The following PSMD1 variants were observed in gnomAD, a reference collection of about 807,000 sequenced individuals.
The protein encoded by PSMD1 is proteasome 26S subunit, non-ATPase 1.
A neutral mutation model predicts 119.0 loss-of-function variants in PSMD1; 18 were observed. That is an observed-to-expected ratio of 0.15 (90% CI 0.10 to 0.22). PSMD1 has a LOEUF of 0.22. Ranked by LOEUF, PSMD1 falls within the 10% of genes least tolerant of loss-of-function variation. PSMD1 has a pLI of 1.00. For missense variants in PSMD1, 702 were observed against 1,158.5 expected, an observed-to-expected ratio of 0.61 and a Z score of 5.72; for synonymous variants, 374 against 396.6, an observed-to-expected ratio of 0.94 and a Z score of 0.68.
At chr2:231,072,817 A>T (rs548376881) in intron 7 of PSMD1, among the ~76,000 whole-genome samples, 7 of 152,208 alleles carry the variant, frequency 4.6e-5, no homozygotes, top group Non-Finnish European at 1.0e-4. Context: ...TAAATACACA[A>T]ATTTCTATAG....
intron 16 of PSMD1, chr2:231,108,274 C>T (rs1032779805): frequency 5.0e-6 from 2 of 400,188 alleles, no homozygotes; most frequent in Non-Finnish European, 4.5e-6. Flanking sequence ...TTATTTCATT[C>T]GAATACCTTA....
chr2:231,073,453 G>T (rs1183619680), intron 7 of PSMD1, among the ~76,000 whole-genome samples: 2 of 152,014 alleles, frequency 1.3e-5, no homozygotes, highest in African/African-American at 4.8e-5. Context: ...TTGCAGTCAG[G>T]TATTGTAAGA....
chr2:231,081,701 G>A (rs888263379), intron 12 of PSMD1, among the ~76,000 whole-genome samples: 1 of 152,206 alleles, frequency 6.6e-6, no homozygotes, highest in Non-Finnish European at 1.5e-5. Flanking sequence ...GGAATGTTGG[G>A]ATGCTGTCAC....
At chr2:231,164,674 C>A (rs372700183) in intron 21 of PSMD1, among the ~76,000 whole-genome samples, 53 of 152,110 alleles carry the variant, frequency 3.5e-4, no homozygotes, top group African/African-American at 1.3e-3. Flanking sequence ...CCCAGCTTTT[C>A]ACCTTTGTTT....
chr2:231,097,343 ATT>A (rs1160639774), intron 16 of PSMD1, among the ~76,000 whole-genome samples: 1 of 152,222 alleles, frequency 6.6e-6, no homozygotes, highest in African/African-American at 2.4e-5. Context: ...TAAAGGGGTC[ATT>A]TACCCTTGAG....
chr2:231,148,584 T>C (rs912487260), intron 18 of PSMD1, among the ~76,000 whole-genome samples: 15 of 152,340 alleles, frequency 9.8e-5, no homozygotes, highest in African/African-American at 3.4e-4. Flanking sequence ...CTAGTAGCCT[T>C]TGCCAGTAAT....
rs934590685 is a variant in PSMD1, at chr2:231,138,644, A to C, written c.1884-92A>C. The C allele has an allele frequency of 4.6e-6, 4 of 871,294 alleles. No individual in the cohort carries two copies. In the African/African-American group the frequency reaches 5.1e-5, roughly 11 times the overall value. 54.0% of individuals were successfully genotyped at this position (871,294 alleles called of 1,614,324 possible). On this transcript the variant is annotated intron_variant, in intron 16 of 24. Coordinates refer to ENST00000308696, the MANE Select transcript of PSMD1 (RefSeq NM_002807.4). The stretch of plus-strand genomic sequence containing the variant: ...GTTTTAAATGCTCATTGTTTCCTAT[A>C]ACTTTTTCAAAAACAACTTGGTTAA...
chr2:231,169,998 G>A (rs1696877771), intron 23 of PSMD1, among the ~76,000 whole-genome samples: 1 of 152,132 alleles, frequency 6.6e-6, no homozygotes, highest in African/African-American at 2.4e-5. Flanking sequence ...GAAATTGCTG[G>A]AGAAAAAATT....
intron 16 of PSMD1, among the ~76,000 whole-genome samples, chr2:231,088,361 A>G (rs1694506603): frequency 1.3e-5 from 2 of 152,218 alleles, no homozygotes; most frequent in Admixed American, 6.5e-5. Context: ...GTTTTACTGC[A>G]CTTTGCTTTA....
chr2:231,080,585 TATC>T (rs1048440074), intron 12 of PSMD1, among the ~76,000 whole-genome samples: 1 of 152,206 alleles, frequency 6.6e-6, no homozygotes, highest in Non-Finnish European at 1.5e-5. Context: ...TGACCTTAGT[TATC>T]ATCTAGTCTA....
intron 4 of PSMD1, among the ~76,000 whole-genome samples, chr2:231,063,927 G>A (rs1244670146): frequency 2.0e-5 from 3 of 151,860 alleles, no homozygotes; most frequent in East Asian, 3.9e-4. Context: ...GCCTCCCAAA[G>A]TGTTGGAATT....
At chr2:231,113,966 A>G in intron 16 of PSMD1, 4 of 1,555,766 alleles carry the variant, frequency 2.6e-6, no homozygotes, top group Non-Finnish European at 3.5e-6. Context: ...ATTTTATTCT[A>G]TAAAATGGCA....
At chr2:231,161,237 TTAAA>T in intron 19 of PSMD1, 99 bp from the exon 20 acceptor site, 1 of 1,121,132 alleles carries the variant, frequency 8.9e-7, no homozygotes, top group Non-Finnish European at 1.2e-6. Flanking sequence ...CCCTATCTCT[TTAAA>T]AAAAAAAAAA....
At chr2:231,141,146 A>C (rs1310685874) in intron 17 of PSMD1, among the ~76,000 whole-genome samples, 2 of 152,118 alleles carry the variant, frequency 1.3e-5, no homozygotes, top group Non-Finnish European at 2.9e-5. Context: ...TGTCTCTACT[A>C]AAAATACAAA....
At chr2:231,158,357 G>A (rs1696558692) in intron 19 of PSMD1, among the ~76,000 whole-genome samples, 1 of 152,024 alleles carries the variant, frequency 6.6e-6, no homozygotes. Flanking sequence ...AATCTAGAGA[G>A]GGCAACTTCA....
In PSMD1 at chr2:231,113,787, T is replaced by C. The variant is rs1317963295; in HGVS notation, c.1884-24949T>C. On this transcript the variant is annotated intron_variant, in intron 16 of 24. Coordinates refer to ENST00000308696, the MANE Select transcript of PSMD1 (RefSeq NM_002807.4). ...TGAATGCTGTAGCCCGTGAGTTATA[T>C]TGATTGGCCTGGATTGGCTTTTTGA... The C allele has an allele frequency of 2.5e-6, 4 of 1,614,168 alleles. No homozygotes were observed. In the South Asian group the frequency reaches 3.3e-5, roughly 13 times the overall value.
At chr2:231,093,866 T>G (rs1314394566) in intron 16 of PSMD1, among the ~76,000 whole-genome samples, 1 of 152,090 alleles carries the variant, frequency 6.6e-6, no homozygotes, top group African/African-American at 2.4e-5. Flanking sequence ...ATGTTCCACG[T>G]GTGACAAAAT....
At chr2:231,060,756 G>A (rs1235169011) in intron 1 of PSMD1, among the ~76,000 whole-genome samples, 1 of 152,194 alleles carries the variant, frequency 6.6e-6, no homozygotes, top group Admixed American at 6.5e-5. Context: ...ATTTTACCTT[G>A]TTGATTTGAT....
intron 16 of PSMD1, chr2:231,113,679 T>C (rs1251768894): frequency 3.9e-6 from 6 of 1,540,864 alleles, no homozygotes; most frequent in Non-Finnish European, 5.4e-6. Context: ...CCTAGCCAAG[T>C]GGAACCAAAG....
Sources: gnomAD v4.1 joint callset for allele counts (sites outside exome capture counted in the v4.1 genomes callset) on GRCh38, gnomAD v4.1.1 for gene constraint, MANE v1.5 for transcripts, NCBI Gene and HGNC (gene_info 2026-07-23, HGNC 2026-07-21) for gene names.